Variants in SLC22A15 observed in about 807,000 individuals in gnomAD.
The protein encoded by SLC22A15 is solute carrier family 22 member 15.
Under a neutral mutation model 62.7 loss-of-function variants are expected in SLC22A15, and 45 were observed. The ratio of observed to expected loss-of-function variants is 0.72; its 90% CI spans 0.56 to 0.92. SLC22A15 has a LOEUF of 0.92. Among genes scored for constraint, SLC22A15 ranks in the 40% least tolerant of loss-of-function variants. The pLI is 0.00. For missense variants in SLC22A15, 622 were observed against 665.6 expected, an observed-to-expected ratio of 0.93 and a Z score of 0.72; for synonymous variants, 264 against 267.0, an observed-to-expected ratio of 0.99 and a Z score of 0.11.
At chr1:115,988,656 G>T (rs1654999154) in intron 1 of SLC22A15, among the ~76,000 whole-genome samples, 1 of 151,876 alleles carries the variant, frequency 6.6e-6, no homozygotes, top group African/African-American at 2.4e-5. Flanking sequence ...AAGTAGCTGG[G>T]ATTACAGGCA....
intron 8 of SLC22A15, among the ~76,000 whole-genome samples, chr1:116,056,877 C>T (rs992375136): frequency 1.3e-5 from 2 of 152,098 alleles, no homozygotes; most frequent in African/African-American, 4.8e-5. Flanking sequence ...AACTGGATCC[C>T]TTCCTTACAC....
At position 116,031,596 on chromosome 1, in the gene SLC22A15, G is replaced by T. The variant is rs1235996721; in HGVS notation, c.944+15G>T. On this transcript the variant is annotated intron_variant, in intron 6 of 11. Coordinates refer to ENST00000369503, the MANE Select transcript of SLC22A15 (RefSeq NM_018420.3). ...ATGTTCATCTGGTAATTATACTAAG[G>T]CGTGTTCTGTTGCTCTTTAACTAAG... The T allele has an allele frequency of 1.2e-6, 2 of 1,612,052 alleles. No individual in the cohort carries two copies. The highest frequency in any genetic ancestry group is 2.7e-5 in the African/African-American group (2 of 74,868).
chr1:116,043,980 A>G (rs969853438), intron 8 of SLC22A15, among the ~76,000 whole-genome samples: 1 of 152,228 alleles, frequency 6.6e-6, no homozygotes, highest in Admixed American at 6.5e-5. Context: ...CACAAAAAGA[A>G]TTCTAGGCCC....
intron 2 of SLC22A15, among the ~76,000 whole-genome samples, chr1:115,997,303 T>C (rs1459880877): frequency 6.6e-6 from 1 of 152,140 alleles, no homozygotes; most frequent in African/African-American, 2.4e-5. Flanking sequence ...TGGTTCCATA[T>C]AAATTTTAGA....
intron 2 of SLC22A15, among the ~76,000 whole-genome samples, chr1:116,010,909 G>A (rs771681875): frequency 4.6e-5 from 7 of 152,210 alleles, no homozygotes; most frequent in African/African-American, 7.2e-5. Context: ...CAAGAGGCTC[G>A]ATCAATAGGC....
At chr1:116,059,135 G>A (rs1658309031) in intron 8 of SLC22A15, among the ~76,000 whole-genome samples, 1 of 152,124 alleles carries the variant, frequency 6.6e-6, no homozygotes, top group African/African-American at 2.4e-5. Context: ...TGAAACCACA[G>A]TGGGATGCCA....
At chr1:116,014,373 G>A (rs924054445) in intron 2 of SLC22A15, among the ~76,000 whole-genome samples, 7 of 152,162 alleles carry the variant, frequency 4.6e-5, no homozygotes, top group African/African-American at 1.7e-4. Flanking sequence ...GATTATACGA[G>A]TGCTTTTAGT....
intron 8 of SLC22A15, among the ~76,000 whole-genome samples, chr1:116,059,623 A>G (rs941605992): frequency 6.6e-6 from 1 of 152,218 alleles, no homozygotes; most frequent in African/African-American, 2.4e-5. Flanking sequence ...TGCTTTTTAT[A>G]AAAAGCCAGA....
At chr1:116,041,178 A>G (rs1036077859) in intron 8 of SLC22A15, among the ~76,000 whole-genome samples, 2 of 152,192 alleles carry the variant, frequency 1.3e-5, no homozygotes, top group Non-Finnish European at 2.9e-5. Context: ...ACTCAGCCCT[A>G]GTGGAACCTT....
intron 5 of SLC22A15, among the ~76,000 whole-genome samples, chr1:116,027,661 T>G (rs1036186062): frequency 6.6e-6 from 1 of 152,040 alleles, no homozygotes. Context: ...GTTTCGCCCT[T>G]GTTGCCCAGG....
Position 116,067,268 on chromosome 1 carries a change from T to TG in SLC22A15, c.*162dup, listed in dbSNP as rs566051622. ...GACTGATGTTTTTAGGCACAGAAGT[T>TG]GGAGAAGAGATTTCATGAAAGACAA... is the stretch of plus-strand genomic sequence containing the variant. On this transcript the variant is annotated 3_prime_UTR_variant, in exon 12 of 12. Coordinates refer to ENST00000369503, the MANE Select transcript of SLC22A15 (RefSeq NM_018420.3). 159 of 597,268 alleles carry TG rather than the reference T, an allele frequency of 2.7e-4. 2 individuals are homozygous for TG. Among genetic ancestry groups the TG allele is most frequent in the Admixed American group, 8.9e-5 (3 of 33,644 alleles). 37.0% of individuals were successfully genotyped at this position (597,268 alleles called of 1,614,324 possible). A position where few individuals can be genotyped will look rare whatever the true frequency, so the allele number is the denominator to read the frequency against.
intron 2 of SLC22A15, among the ~76,000 whole-genome samples, chr1:116,012,100 C>T (rs1056634562): frequency 2.0e-5 from 3 of 152,242 alleles, no homozygotes; most frequent in East Asian, 1.9e-4. Flanking sequence ...CTTCTCCCTT[C>T]ATTAGAGTGG....
At chr1:116,061,452 T>TG (rs1315589633) in intron 8 of SLC22A15, among the ~76,000 whole-genome samples, 1 of 152,118 alleles carries the variant, frequency 6.6e-6, no homozygotes, top group East Asian at 1.9e-4. Context: ...ACATTGCTGC[T>TG]GACCTTCAAG....
At chr1:116,034,425 A>G (rs1657556075) in intron 6 of SLC22A15, among the ~76,000 whole-genome samples, 1 of 152,200 alleles carries the variant, frequency 6.6e-6, no homozygotes, top group Non-Finnish European at 1.5e-5. Context: ...CTTGGATTGT[A>G]GGAGAGAGGC....
chr1:116,002,632 C>T (rs1655799437), intron 2 of SLC22A15, among the ~76,000 whole-genome samples: 2 of 151,622 alleles, frequency 1.3e-5, no homozygotes. Flanking sequence ...CCAACACTGC[C>T]CCAGGCCTGT....
intron 2 of SLC22A15, among the ~76,000 whole-genome samples, chr1:116,007,565 A>G (rs1180102444): frequency 1.3e-5 from 2 of 152,160 alleles, no homozygotes; most frequent in African/African-American, 2.4e-5. Context: ...GTAAGAAGAT[A>G]AGTTTATATA....
intron 2 of SLC22A15, among the ~76,000 whole-genome samples, chr1:116,018,525 C>T (rs964196944): frequency 1.5e-4 from 23 of 152,100 alleles, no homozygotes; most frequent in Admixed American, 3.3e-4. Context: ...CCACCACGCC[C>T]GGCTAATTTT....
chr1:116,032,550 A>G (rs1657458717), intron 6 of SLC22A15: 2 of 985,256 alleles, frequency 2.0e-6, no homozygotes, highest in Non-Finnish European at 2.4e-6. Context: ...AGCTGCAAAG[A>G]TATTTTTCTA....
intron 8 of SLC22A15, among the ~76,000 whole-genome samples, chr1:116,054,672 C>T (rs540351470): frequency 6.6e-6 from 1 of 152,252 alleles, no homozygotes; most frequent in East Asian, 1.9e-4. Context: ...CTCTCCTCAG[C>T]AAATGTAAGA....
Sources: allele counts gnomAD v4.1 joint callset (sites outside exome capture counted in the v4.1 genomes callset), GRCh38; gene constraint gnomAD v4.1.1; transcripts MANE v1.5; gene names NCBI Gene and HGNC (gene_info 2026-07-23, HGNC 2026-07-21).